Variants in FAM174A observed in about 807,000 individuals in gnomAD.
FAM174A encodes family with sequence similarity 174 member A, also known as membrane protein FAM174A.
Under a neutral mutation model 14.3 loss-of-function variants are expected in FAM174A, and 14 were observed. The ratio of observed to expected loss-of-function variants is 0.98; its 90% CI spans 0.65 to 1.53. The LOEUF is 1.53. Ranked by LOEUF, FAM174A falls within the 40% of genes most tolerant of loss-of-function variation. FAM174A has a pLI of 0.00. For missense variants in FAM174A, 241 were observed against 249.6 expected (o/e 0.97, Z 0.23); for synonymous variants, 108 against 111.4 (o/e 0.97, Z 0.19).
chr5:100,577,998 G>A (rs537498519), intron 2 of FAM174A, among the ~76,000 whole-genome samples: 2 of 152,194 alleles, frequency 1.3e-5, no homozygotes, highest in South Asian at 2.1e-4. Context: ...GACAATAAGT[G>A]TGTAGGATAC....
chr5:100,570,140 G>C (rs571443500), intron 2 of FAM174A, among the ~76,000 whole-genome samples: 3 of 151,872 alleles, frequency 2.0e-5, no homozygotes, highest in African/African-American at 7.2e-5. Flanking sequence ...AAACACAGAG[G>C]TCGGGTGACT....
intron 1 of FAM174A, among the ~76,000 whole-genome samples, chr5:100,553,373 T>C (rs1746302472): frequency 6.6e-6 from 1 of 152,144 alleles, no homozygotes; most frequent in Non-Finnish European, 1.5e-5. Context: ...ATTGCTTTTT[T>C]TCTTCCTTGA....
At chr5:100,573,613 G>A (rs1746839685) in intron 2 of FAM174A, among the ~76,000 whole-genome samples, 1 of 151,452 alleles carries the variant, frequency 6.6e-6, no homozygotes, top group Admixed American at 6.6e-5. Flanking sequence ...ATGCTCAAGG[G>A]TAGGAAGAAT....
chr5:100,554,464 A>G (rs1175846783), intron 1 of FAM174A, among the ~76,000 whole-genome samples: 6 of 151,370 alleles, frequency 4.0e-5, no homozygotes, highest in Admixed American at 4.0e-4. Context: ...TTACAGGCGC[A>G]CACCACCATG....
At chr5:100,555,974 T>C (rs1024732865) in intron 1 of FAM174A, among the ~76,000 whole-genome samples, 3 of 152,200 alleles carry the variant, frequency 2.0e-5, no homozygotes, top group East Asian at 1.9e-4. Context: ...ATTTTGGCTT[T>C]TGTTGCCATT....
At chr5:100,545,244 A>G (rs1281947298) in intron 1 of FAM174A, among the ~76,000 whole-genome samples, 1 of 152,236 alleles carries the variant, frequency 6.6e-6, no homozygotes, top group Non-Finnish European at 1.5e-5. Context: ...AATTGGGTTG[A>G]AAGATATGTT....
chr5:100,550,268 T>C (rs1373420824), intron 1 of FAM174A, among the ~76,000 whole-genome samples: 1 of 152,268 alleles, frequency 6.6e-6, no homozygotes, highest in East Asian at 1.9e-4. Context: ...AATATTCCAG[T>C]ACTTTATTTT....
intron 2 of FAM174A, among the ~76,000 whole-genome samples, chr5:100,573,993 A>G (rs558612436): frequency 2.0e-4 from 30 of 152,234 alleles, no homozygotes; most frequent in African/African-American, 6.7e-4. Flanking sequence ...ACATTTCCTA[A>G]TAAAACAGCA....
intron 1 of FAM174A, among the ~76,000 whole-genome samples, chr5:100,557,597 T>C (rs1440507838): frequency 6.6e-6 from 1 of 152,190 alleles, no homozygotes; most frequent in African/African-American, 2.4e-5. Flanking sequence ...GGCTATTAAT[T>C]ATTGCCTCAA....
At chr5:100,541,094 C>G (rs1279944986) in intron 1 of FAM174A, among the ~76,000 whole-genome samples, 1 of 152,154 alleles carries the variant, frequency 6.6e-6, no homozygotes, top group African/African-American at 2.4e-5. Flanking sequence ...ATATGGGCCA[C>G]CTTTAAGCCC....
intron 2 of FAM174A, among the ~76,000 whole-genome samples, 165 bp downstream of exon 2, chr5:100,562,353 CGTT>C (rs1270508725): frequency 1.3e-5 from 2 of 151,930 alleles, no homozygotes; most frequent in Non-Finnish European, 2.9e-5. Flanking sequence ...CTCACATTCA[CGTT>C]GTTTTGCTCA....
At chr5:100,536,582 G>T (rs1745945688) in intron 1 of FAM174A, among the ~76,000 whole-genome samples, 1 of 152,140 alleles carries the variant, frequency 6.6e-6, no homozygotes, top group Admixed American at 6.5e-5. Context: ...AAGTGGCAGA[G>T]AATCACCTTC....
At chr5:100,566,141 G>GATAGATACATATATAT (rs558236562) in intron 2 of FAM174A, among the ~76,000 whole-genome samples, 2 of 81,802 alleles carry the variant, frequency 2.4e-5, no homozygotes, top group Non-Finnish European at 4.9e-5. Context: ...TGAAAAGTAT[G>GATAGATACATATATAT]ATATATATAT....
chr5:100,561,486 G>C (rs1200796023), intron 1 of FAM174A, among the ~76,000 whole-genome samples: 1 of 151,922 alleles, frequency 6.6e-6, no homozygotes, highest in East Asian at 1.9e-4. Context: ...ATCACATTTA[G>C]AACCTCAACA....
intron 1 of FAM174A, among the ~76,000 whole-genome samples, chr5:100,538,884 A>G (rs1348203423): frequency 6.6e-6 from 1 of 151,960 alleles, no homozygotes; most frequent in Non-Finnish European, 1.5e-5. Flanking sequence ...GGGTGGGGGG[A>G]AATCACTGTA....
intron 1 of FAM174A, among the ~76,000 whole-genome samples, chr5:100,556,063 T>G (rs1390574943): frequency 6.6e-6 from 1 of 152,244 alleles, no homozygotes; most frequent in Non-Finnish European, 1.5e-5. Context: ...TTCTAGGGTT[T>G]TTATGGTTTT....
intron 1 of FAM174A, among the ~76,000 whole-genome samples, chr5:100,540,967 C>T (rs80052510): frequency 6.6e-6 from 1 of 152,304 alleles, no homozygotes; most frequent in African/African-American, 2.4e-5. Context: ...ATCTCAAGAG[C>T]TGAGGAGATC....
At chr5:100,585,099 G>A (rs1747101710) in intron 2 of FAM174A, among the ~76,000 whole-genome samples, 1 of 152,076 alleles carries the variant, frequency 6.6e-6, no homozygotes, top group Admixed American at 6.6e-5. Flanking sequence ...GTGTCACGTG[G>A]TATTTTAAAT....
intron 2 of FAM174A, among the ~76,000 whole-genome samples, chr5:100,567,471 A>G (rs1375246144): frequency 6.6e-6 from 1 of 151,798 alleles, no homozygotes; most frequent in East Asian, 1.9e-4. Context: ...TTTTCCTTCT[A>G]TATCTATCTG....
Sources: allele counts gnomAD v4.1 joint callset (sites outside exome capture counted in the v4.1 genomes callset), GRCh38; gene constraint gnomAD v4.1.1; transcripts MANE v1.5; gene names NCBI Gene and HGNC (gene_info 2026-07-23, HGNC 2026-07-21).